RABGAP1L: variants seen among roughly 807,000 people sequenced by gnomAD.
RABGAP1L encodes the protein RAB GTPase activating protein 1 like.
Under a neutral mutation model 137.7 loss-of-function variants are expected in RABGAP1L, and 63 were observed. The observed-to-expected ratio is 0.46, with a 90% confidence interval of 0.37 to 0.56. The LOEUF (loss-of-function observed/expected upper bound fraction) is 0.56. Among genes scored for constraint, RABGAP1L ranks in the 20% least tolerant of loss-of-function variants. RABGAP1L has a pLI of 0.00. For missense variants in RABGAP1L, 1,095 were observed against 1,244.0 expected (o/e 0.88, Z 1.80); for synonymous variants, 431 against 433.7 (o/e 0.99, Z 0.08).
At chr1:174,271,693 C>T (rs1055687211) in intron 7 of RABGAP1L, among the ~76,000 whole-genome samples, 31 of 151,926 alleles carry the variant, frequency 2.0e-4, no homozygotes, top group African/African-American at 7.0e-4. Flanking sequence ...TAAAAATCTT[C>T]GAGTTAGCTG....
chr1:174,813,112 G>C (rs1690045778), intron 19 of RABGAP1L, among the ~76,000 whole-genome samples: 1 of 152,170 alleles, frequency 6.6e-6, no homozygotes, highest in South Asian at 2.1e-4. Context: ...ATCTGTCTGA[G>C]GTTTTTAAAG....
chr1:174,231,488 T>C (rs1670646208), intron 4 of RABGAP1L, 133 bp downstream of exon 4: 2 of 789,904 alleles, frequency 2.5e-6, no homozygotes, highest in Non-Finnish European at 4.2e-6. Flanking sequence ...ATGTTTAGGC[T>C]TAGACTGTGT....
chr1:174,947,071 A>G (rs1348925003), intron 19 of RABGAP1L, among the ~76,000 whole-genome samples: 7 of 150,004 alleles, frequency 4.7e-5, no homozygotes, highest in East Asian at 3.9e-4. Context: ...GGAGATGGTC[A>G]TCGTAGTTGT....
At chr1:174,497,351 A>G (rs1407809820) in intron 13 of RABGAP1L, among the ~76,000 whole-genome samples, 7 of 152,218 alleles carry the variant, frequency 4.6e-5, no homozygotes, top group Admixed American at 4.6e-4. Context: ...GCAAGGATCA[A>G]TGTGCTGTAT....
At chr1:174,214,761 G>A (rs1369769529) in intron 1 of RABGAP1L, among the ~76,000 whole-genome samples, 1 of 152,190 alleles carries the variant, frequency 6.6e-6, no homozygotes, top group Non-Finnish European at 1.5e-5. Flanking sequence ...TCAATAAATG[G>A]TGCTGGGAAG....
At chr1:174,633,785 A>G (rs981188581) in intron 13 of RABGAP1L, among the ~76,000 whole-genome samples, 1 of 141,330 alleles carries the variant, frequency 7.1e-6, no homozygotes, top group African/African-American at 2.8e-5. Flanking sequence ...CAGTGGGGAA[A>G]GGATTCCCTA....
chr1:174,965,915 T>C (rs1039422903), intron 20 of RABGAP1L, among the ~76,000 whole-genome samples: 5 of 152,210 alleles, frequency 3.3e-5, no homozygotes, highest in African/African-American at 1.2e-4. Flanking sequence ...CCCCTTTAGC[T>C]GTGTGTCTGT....
chr1:174,943,652 G>A (rs1244012260), intron 19 of RABGAP1L, among the ~76,000 whole-genome samples: 1 of 152,030 alleles, frequency 6.6e-6, no homozygotes, highest in Non-Finnish European at 1.5e-5. Context: ...TGGCCAACAT[G>A]GTGAAACCTG....
chr1:174,363,723 C>T (rs970859624), intron 11 of RABGAP1L, among the ~76,000 whole-genome samples: 5 of 152,052 alleles, frequency 3.3e-5, no homozygotes, highest in African/African-American at 1.2e-4. Flanking sequence ...TATATTTCTT[C>T]TATCCCCATT....
chr1:174,530,959 A>G (rs904670573), intron 13 of RABGAP1L, among the ~76,000 whole-genome samples: 10 of 152,162 alleles, frequency 6.6e-5, no homozygotes. Flanking sequence ...GCATATCTCT[A>G]GAAAACAGTA....
In RABGAP1L at chr1:174,992,207, G is replaced by A. The variant is rs1672106164; in HGVS notation, c.*2206G>A. The A allele has an allele frequency of 6.6e-6, 1 of 152,202 alleles. No individual in the cohort carries two copies. The highest frequency in any genetic ancestry group is 2.1e-4 in the South Asian group (1 of 4,826). The allele number at this position is 152,202 out of a possible 1,614,324, so 9.4% of individuals were successfully genotyped here. A position where few individuals can be genotyped will look rare whatever the true frequency, so the allele number is the denominator to read the frequency against. On this transcript the variant is annotated 3_prime_UTR_variant, in exon 26 of 26. Transcript: ENST00000681986. ...TAATCCCAGCACTTTGGGAGGCTGA[G>A]GTGGGTGGATCACCTAAGGTCAGGA...
intron 3 of RABGAP1L, among the ~76,000 whole-genome samples, chr1:174,223,357 C>T: frequency 7.4e-6 from 1 of 134,678 alleles, no homozygotes; most frequent in East Asian, 2.3e-4. Context: ...ACAGAAAAGT[C>T]ACTTGAACCC....
In RABGAP1L at chr1:174,519,529, A is replaced by G. The variant is rs574536431; in HGVS notation, c.1711-117846A>G. On this transcript the variant is annotated intron_variant, in intron 13 of 25. Transcript: ENST00000681986. ...TGCCTTCCCCAGCCCACTGACTCCAATGTTAATCTCCTTTGGCAACACCCT... is the reference window on the plus strand; with the variant it reads ...TGCCTTCCCCAGCCCACTGACTCCAGTGTTAATCTCCTTTGGCAACACCCT... 2.1e-4 allele frequency among the ~76,000 whole-genome samples: 32 copies of G among 152,254 alleles called. No homozygotes were observed. In the South Asian group the frequency reaches 3.9e-3, roughly 19 times the overall value.
rs527355586 is a variant in RABGAP1L, at chr1:174,664,139, G to A, written c.1825-19383G>A. On this transcript the variant is annotated intron_variant, in intron 14 of 25. Coordinates refer to ENST00000681986, the MANE Select transcript of RABGAP1L (RefSeq NM_001366446.1). ...TGTGTATTGATTAGTTGCTGAAAAT[G>A]TTGTGACCAGGGGTTCTCAGGAGCC... Among the ~76,000 whole-genome samples, 4 of 152,284 alleles carry A rather than the reference G, an allele frequency of 2.6e-5. No individual in the cohort carries two copies. The South Asian group carries it at 8.3e-4, about 32-fold the overall frequency.
chr1:174,272,721 TA>T (rs934242043), intron 8 of RABGAP1L, among the ~76,000 whole-genome samples: 4 of 152,028 alleles, frequency 2.6e-5, no homozygotes, highest in Non-Finnish European at 5.9e-5. Context: ...AATGTCCATT[TA>T]TTTTTTTGGC....
chr1:174,882,842 T>C (rs1409501085), intron 19 of RABGAP1L, among the ~76,000 whole-genome samples: 1 of 151,978 alleles, frequency 6.6e-6, no homozygotes, highest in African/African-American at 2.4e-5. Context: ...TTTTTTTTTT[T>C]GGAGACAGAG....
intron 2 of RABGAP1L, 81 bp from the exon 3 acceptor site, chr1:174,220,891 T>C: frequency 8.3e-7 from 1 of 1,206,598 alleles, no homozygotes; most frequent in Non-Finnish European, 1.1e-6. Context: ...TTTAATTTCT[T>C]CTAGAAATGA....
In RABGAP1L at chr1:174,394,033, C is replaced by T. The variant is rs772087877; in HGVS notation, c.1598C>T (p.Thr533Ile). The change falls in exon 13 of 26, where the codon ACT becomes ATT. Residue 533 changes from threonine (T) to isoleucine (I), a missense_variant. Coordinates refer to ENST00000681986, the MANE Select transcript of RABGAP1L (RefSeq NM_001366446.1). ...GGTGCACGACCGAAAGGGCTGTCTACTCTGGTGAAGAGTGGTGTCCCTGAA... is the reference window on the plus strand; with the variant it reads ...GGTGCACGACCGAAAGGGCTGTCTATTCTGGTGAAGAGTGGTGTCCCTGAA... ...NLGARPKGLS[T>I]LVKSGVPEAL... 3.1e-6 allele frequency: 5 copies of T among 1,613,768 alleles called. No homozygotes were observed. In the Admixed American group the frequency reaches 8.3e-5, roughly 27 times the overall value.
At chr1:174,831,166 G>A (rs1692076310) in intron 19 of RABGAP1L, among the ~76,000 whole-genome samples, 1 of 147,962 alleles carries the variant, frequency 6.8e-6, no homozygotes, top group Non-Finnish European at 1.5e-5. Context: ...GAACGTTTTA[G>A]ACAACATAAA....
Sources: allele counts gnomAD v4.1 joint callset (sites outside exome capture counted in the v4.1 genomes callset), GRCh38; gene constraint gnomAD v4.1.1; transcripts MANE v1.5; gene names NCBI Gene and HGNC (gene_info 2026-07-23, HGNC 2026-07-21).